The following CNOT11 variants were observed in gnomAD, a reference collection of about 807,000 sequenced individuals.
CNOT11 encodes the protein CCR4-NOT transcription complex subunit 11, also known as UPF0760 protein C2orf29.
CNOT11 carries 18 observed loss-of-function variants against 44.6 expected under a neutral mutation model. That is an observed-to-expected ratio of 0.40 (90% CI 0.28 to 0.60). CNOT11 has a LOEUF of 0.60. CNOT11 is among the 20% of genes least tolerant of loss of function. The probability of loss-of-function intolerance (pLI) is 0.38; values close to 1 mark genes in which losing one functional copy is unlikely to be tolerated. For synonymous variants in CNOT11, 291 were observed against 270.9 expected (o/e 1.07, Z -0.73); for missense variants, 513 against 677.0 (o/e 0.76, Z 2.69).
At chr2:101,256,497 T>C (rs1681737831) in intron 1 of CNOT11, among the ~76,000 whole-genome samples, 1 of 151,860 alleles carries the variant, frequency 6.6e-6, no homozygotes, top group South Asian at 2.1e-4. Flanking sequence ...ATTTCTGCAG[T>C]GGGAGAGATG....
chr2:101,261,168 A>G (rs888414883), intron 2 of CNOT11, among the ~76,000 whole-genome samples: 2 of 152,340 alleles, frequency 1.3e-5, no homozygotes, highest in South Asian at 2.1e-4. Context: ...AAGAAAGAGA[A>G]TATTTTCAGG....
Position 101,257,753 on chromosome 2 carries a change from T to G in CNOT11, c.515-38T>G, listed in dbSNP as rs761571276. On this transcript the variant is annotated intron_variant, in intron 1 of 6. Transcript: ENST00000289382. ...CCAGATTCAAGTTGATTTTTAAAAG[T>G]AACCATTGGAGAAATCGTTATACAT... The G allele has an allele frequency of 1.9e-6, 3 of 1,550,882 alleles. No homozygotes were observed. In the African/African-American group the frequency reaches 4.1e-5, roughly 21 times the overall value.
At chr2:101,258,045 C>A in intron 2 of CNOT11, 90 bp downstream of exon 2, 1 of 1,284,772 alleles carries the variant, frequency 7.8e-7, no homozygotes, top group Non-Finnish European at 1.1e-6. Flanking sequence ...TTTTTTGTAA[C>A]TGCTAAAAGG....
chr2:101,263,223 A>G (rs1289192829), intron 3 of CNOT11, among the ~76,000 whole-genome samples: 1 of 152,164 alleles, frequency 6.6e-6, no homozygotes, highest in East Asian at 1.9e-4. Context: ...AAAGGAAAAA[A>G]AAAAAATACA....
At chr2:101,268,518 CAA>C (rs1169540026) in intron 5 of CNOT11, among the ~76,000 whole-genome samples, 1 of 152,224 alleles carries the variant, frequency 6.6e-6, no homozygotes, top group East Asian at 1.9e-4. Flanking sequence ...GCACAAATCT[CAA>C]GAGACTGCAG....
chr2:101,253,204 C>A lies in CNOT11; in HGVS notation c.240C>A (p.Gly80=). ...TGAGCATCATATCGGAGGAGGCGGG[C>A]GGCGGCAGCACCTTCGAGGGCCTGT... ...SLLSIISEEA[G]GGSTFEGLST... Residue 80 remains glycine, a synonymous_variant, in exon 1 of 7, where the codon GGC becomes GGA. Transcript: ENST00000289382. The surrounding 1 kb of genome is among the most constrained non-coding windows in gnomAD (Gnocchi z 4.3). The A allele has an allele frequency of 6.2e-7, 1 of 1,601,670 alleles. No individual in the cohort carries two copies. The highest frequency in any genetic ancestry group is 8.5e-7 in the Non-Finnish European group (1 of 1,176,242).
chr2:101,258,271 G>A (rs1681776449), intron 2 of CNOT11, among the ~76,000 whole-genome samples: 1 of 151,934 alleles, frequency 6.6e-6, no homozygotes, highest in Non-Finnish European at 1.5e-5. Context: ...GGTGCAGCAC[G>A]CCTGTAATCC....
chr2:101,253,133 C>A lies in CNOT11; in HGVS notation c.169C>A (p.Pro57Thr). The A allele has an allele frequency of 7.1e-6, 11 of 1,549,296 alleles. No individual in the cohort carries two copies. Among genetic ancestry groups the A allele is most frequent in the Non-Finnish European group, 9.5e-6 (11 of 1,155,146 alleles). ...GTCCGGGAGCGGAGGCCCGGGGGGC[C>A]CCGCGGGCAGGATGAGCTTGACCCC... ...PGSGSGGPGG[P>T]AGRMSLTPKE... is the part of the protein sequence containing the mutation. Residue 57 changes from proline (P) to threonine (T), a missense_variant, in exon 1 of 7, where the codon CCC (proline) becomes ACC (threonine). Physicochemically the swap from Pro to Thr is conservative, Grantham distance 38. Coordinates refer to ENST00000289382, the MANE Select transcript of CNOT11 (RefSeq NM_017546.5). This position sits in a 1 kb window ranked among gnomAD's most constrained non-coding sequence, Gnocchi z 4.3.
chr2:101,262,561 G>A lies in CNOT11; in HGVS notation c.702G>A (p.Thr234=), dbSNP rs1007752. Residue 234 remains threonine, a synonymous_variant, in exon 3 of 7, where the codon ACG becomes ACA. Transcript: ENST00000289382. ...CAGAACGCCAATCTGAATTGCCAACGCAAAGCAAAGCGAGCTTCCCCAGTA... is the reference window on the plus strand; with the variant it reads ...CAGAACGCCAATCTGAATTGCCAACACAAAGCAAAGCGAGCTTCCCCAGTA... ...ALAERQSELP[T]QSKASFPSIL... 0.039 allele frequency: 62,147 copies of A among 1,613,634 alleles called. 1,430 individuals are homozygous for A. The highest frequency in any genetic ancestry group is 0.045 in the Non-Finnish European group (53,467 of 1,179,712).
intron 1 of CNOT11, among the ~76,000 whole-genome samples, chr2:101,255,840 A>T (rs1260813936): frequency 6.6e-6 from 1 of 152,068 alleles, no homozygotes; most frequent in Admixed American, 6.6e-5. Context: ...AGGTATTATT[A>T]AAAAACTGGG....
chr2:101,263,103 C>A (rs990902059), intron 3 of CNOT11, among the ~76,000 whole-genome samples: 2 of 152,016 alleles, frequency 1.3e-5, no homozygotes, highest in African/African-American at 4.8e-5. Context: ...CATCTGTAGT[C>A]CCAGCTACTT....
At chr2:101,264,698 T>C in intron 3 of CNOT11, 147 bp from the exon 4 acceptor site, 1 of 645,292 alleles carries the variant, frequency 1.5e-6, no homozygotes, top group Non-Finnish European at 2.7e-6. Flanking sequence ...TCCTGTGTCA[T>C]TCCTGCTTCT....
chr2:101,258,374 G>A (rs928410442), intron 2 of CNOT11, among the ~76,000 whole-genome samples: 1 of 150,024 alleles, frequency 6.7e-6, no homozygotes, highest in African/African-American at 2.5e-5. Flanking sequence ...CTCCAGCCTG[G>A]GCTACAGTGA....
At position 101,266,736 on chromosome 2, in the gene CNOT11, C is replaced by G. The variant is rs1681993911; in HGVS notation, c.1095C>G (p.Ala365=). 6.2e-7 allele frequency: 1 copy of G among 1,614,122 alleles called. No individual in the cohort carries two copies. ...KLVYHIGLTP[A]KLPDLVENNP... ...TCTACCATATTGGCCTCACCCCAGC[C>G]AAACTTCCTGACCTTGTGGAAAACA... Residue 365 remains alanine (A), a synonymous_variant, in exon 5 of 7, where the codon GCC becomes GCG. Coordinates refer to ENST00000289382, the MANE Select transcript of CNOT11 (RefSeq NM_017546.5).
At chr2:101,268,853 A>G (rs1395576051) in intron 5 of CNOT11, among the ~76,000 whole-genome samples, 187 bp from the exon 6 acceptor site, 1 of 152,228 alleles carries the variant, frequency 6.6e-6, no homozygotes, top group Non-Finnish European at 1.5e-5. Context: ...CATTTTAAAC[A>G]GTGTTATTTA....
chr2:101,270,281 A>C lies in CNOT11; in HGVS notation c.*868A>C, dbSNP rs1469444123. 6.6e-6 allele frequency: 1 copy of C among 152,476 alleles called. No individual in the cohort carries two copies. The highest frequency in any genetic ancestry group is 2.4e-5 in the African/African-American group (1 of 41,382). 9.4% of individuals were successfully genotyped at this position (152,476 alleles called of 1,614,324 possible). ...TACCCTTTATGTGATTTTGGACAAC[A>C]GTGCCTTCCATTAAAGTTCTTTTTA... On this transcript the variant is annotated 3_prime_UTR_variant, in exon 7 of 7. Coordinates refer to ENST00000289382, the MANE Select transcript of CNOT11 (RefSeq NM_017546.5).
chr2:101,253,494 A>G lies in CNOT11; in HGVS notation c.514+16A>G. ...CCGCTCTCAGGTACCTCCTGAAGCCAGCTGTGCCGTGTGGATAGCGTTAGA... is the reference window on the plus strand; with the variant it reads ...CCGCTCTCAGGTACCTCCTGAAGCCGGCTGTGCCGTGTGGATAGCGTTAGA... On this transcript the variant is annotated intron_variant, in intron 1 of 6. Transcript: ENST00000289382. The surrounding 1 kb of genome is among the most constrained non-coding windows in gnomAD (Gnocchi z 4.3). 6.9e-7 allele frequency: 1 copy of G among 1,443,206 alleles called. No homozygotes were observed. The highest frequency in any genetic ancestry group is 9.0e-7 in the Non-Finnish European group (1 of 1,106,990). The allele number at this position is 1,443,206 out of a possible 1,614,324, so 89.4% of individuals were successfully genotyped here.
intron 1 of CNOT11, among the ~76,000 whole-genome samples, chr2:101,257,249 T>C (rs1429698043): frequency 6.6e-6 from 1 of 151,584 alleles, no homozygotes; most frequent in Non-Finnish European, 1.5e-5. Context: ...AAACATTAGC[T>C]GGGCATGGTG....
rs148312714 is a variant in CNOT11, at chr2:101,257,499, C to G, written c.515-292C>G. On this transcript the variant is annotated intron_variant, in intron 1 of 6. Transcript: ENST00000289382. The stretch of plus-strand genomic sequence containing the variant: ...GGCCGATGTTTTAACTAAAGAAAAC[C>G]TGTCTTTGACTGCCAGGCTGCGTTT... Among the ~76,000 whole-genome samples, 678 of 152,132 alleles carry G rather than the reference C, an allele frequency of 4.5e-3. 3 individuals are homozygous for G. The highest frequency in any genetic ancestry group is 0.016 in the African/African-American group (645 of 41,550).
Sources: allele counts gnomAD v4.1 joint callset (sites outside exome capture counted in the v4.1 genomes callset), GRCh38; gene constraint gnomAD v4.1.1; non-coding constraint Gnocchi (gnomAD v3.1); transcripts MANE v1.5; gene names NCBI Gene and HGNC (gene_info 2026-07-23, HGNC 2026-07-21).